ZRANB2: variants seen among roughly 807,000 people sequenced by gnomAD.
ZRANB2 encodes zinc finger Ran-binding domain-containing protein 2.
ZRANB2 carries 19 observed loss-of-function variants against 53.4 expected under a neutral mutation model. The observed-to-expected ratio is 0.36, with a 90% confidence interval of 0.25 to 0.52. The LOEUF (loss-of-function observed/expected upper bound fraction) is 0.52. ZRANB2 is among the 20% of genes least tolerant of loss of function. The pLI, the probability that ZRANB2 is intolerant of heterozygous loss-of-function variation, is 0.93. For synonymous variants in ZRANB2, 145 were observed against 134.8 expected (o/e 1.08, Z -0.52); for missense variants, 309 against 401.1 (o/e 0.77, Z 1.96).
chr1:71,065,987 G>C, intron 9 of ZRANB2: 1 of 408,328 alleles, frequency 2.4e-6, no homozygotes, highest in Non-Finnish European at 4.3e-6. Context: ...GTACAAGTAG[G>C]AATCATGAGA....
intron 1 of ZRANB2, among the ~76,000 whole-genome samples, chr1:71,079,278 T>G (rs1205560040): frequency 6.6e-6 from 1 of 152,142 alleles, no homozygotes; most frequent in African/African-American, 2.4e-5. Context: ...GAGACTTCGC[T>G]GAAAAAAATG....
chr1:71,071,242 A>G (rs1661588275), intron 6 of ZRANB2, among the ~76,000 whole-genome samples: 1 of 152,110 alleles, frequency 6.6e-6, no homozygotes, highest in South Asian at 2.1e-4. Context: ...CTTATGCATC[A>G]CCCAAGAATT....
intron 8 of ZRANB2, 167 bp from the exon 9 acceptor site, chr1:71,067,101 T>C: frequency 1.8e-6 from 1 of 544,482 alleles, no homozygotes; most frequent in Admixed American, 4.1e-5. Flanking sequence ...GGATCAACCA[T>C]GAAAACATTC....
chr1:71,077,165 T>G (rs993266638), intron 3 of ZRANB2, among the ~76,000 whole-genome samples: 1 of 152,258 alleles, frequency 6.6e-6, no homozygotes, highest in Admixed American at 6.5e-5. Flanking sequence ...CGAGTATCAC[T>G]AATCCACAAA....
chr1:71,075,713 C>T (rs1312590061), intron 4 of ZRANB2, among the ~76,000 whole-genome samples: 1 of 151,702 alleles, frequency 6.6e-6, no homozygotes, highest in East Asian at 1.9e-4. Flanking sequence ...CGGTGCATAC[C>T]TTAGGTGAGG....
In ZRANB2 at chr1:71,070,990, C is replaced by A; in HGVS notation, c.520G>T (p.Asp174Tyr). ...LSKYKLDEDE[D>Y]EDDADLSKYN... ...TTTGAGAGATCAGCGTCATCTTCAT[C>A]CTCATCCTAACAAAAATTCAATTAT... Residue 174 changes from aspartate to tyrosine, a missense_variant, in exon 7 of 10, where the codon GAT becomes TAT. Around this residue, in one of 3 missense-constraint regions of ZRANB2, gnomAD observed 211 missense variants for 196.1 expected, o/e 1.08. Coordinates refer to ENST00000370920, the MANE Select transcript of ZRANB2 (RefSeq NM_203350.3). 1.3e-6 allele frequency: 2 copies of A among 1,559,844 alleles called. No homozygotes were observed. The highest frequency in any genetic ancestry group is 1.7e-6 in the Non-Finnish European group (2 of 1,157,242).
intron 4 of ZRANB2, among the ~76,000 whole-genome samples, chr1:71,072,947 T>C (rs1661626619): frequency 6.6e-6 from 1 of 152,100 alleles, no homozygotes. Flanking sequence ...CTGCAAATAG[T>C]CTGAAATCTT....
At chr1:71,071,878 T>C (rs1028319515) in intron 6 of ZRANB2, among the ~76,000 whole-genome samples, 2 of 152,184 alleles carry the variant, frequency 1.3e-5, no homozygotes, top group East Asian at 1.9e-4. Flanking sequence ...TACCTATTTA[T>C]ATATTTCCTC....
intron 9 of ZRANB2, 80 bp from the exon 10 acceptor site, chr1:71,065,217 T>C: frequency 1.7e-6 from 2 of 1,160,646 alleles, no homozygotes; most frequent in South Asian, 3.1e-5. Context: ...ACTGTGAAAG[T>C]ATACAAAATT....
At chr1:71,072,086 A>C in intron 6 of ZRANB2, 35 bp downstream of exon 6, 1 of 1,595,298 alleles carries the variant, frequency 6.3e-7, no homozygotes, top group African/African-American at 1.4e-5. Flanking sequence ...AACTCCAATA[A>C]GACAAAAGGG....
chr1:71,065,112 A>G lies in ZRANB2; in HGVS notation c.955T>C (p.Ser319Pro). ...ERRHRSSSGS[S>P]HSGSRSSSKK... The stretch of plus-strand genomic sequence containing the variant: ...GAACTTGAACGGGAACCAGAATGGG[A>G]TGATCCAGATGATGACCTGTGGCGT... The change falls in exon 10 of 10, where the codon TCC becomes CCC. Residue 319 changes from serine (S) to proline (P), a missense_variant. Transcript: ENST00000370920. 1 of 1,611,696 alleles carries G rather than the reference A, an allele frequency of 6.2e-7. No homozygotes were observed. Among genetic ancestry groups the G allele is most frequent in the Non-Finnish European group, 8.5e-7 (1 of 1,178,488 alleles).
rs907386454 is a variant in ZRANB2, at chr1:71,063,407, T to C, written c.*1667A>G. ...CCTTATGAAATGAACTAGTACAGCT[T>C]AGTTAAACCAAATGAAATCATAATC... On this transcript the variant is annotated 3_prime_UTR_variant, in exon 10 of 10. Coordinates refer to ENST00000370920, the MANE Select transcript of ZRANB2 (RefSeq NM_203350.3). 2 of 152,478 alleles carry C rather than the reference T, an allele frequency of 1.3e-5. No individual in the cohort carries two copies. Among genetic ancestry groups the C allele is most frequent in the African/African-American group, 4.8e-5 (2 of 41,454 alleles). The allele number at this position is 152,478 out of a possible 1,614,324, so 9.4% of individuals were successfully genotyped here. A position where few individuals can be genotyped will look rare whatever the true frequency, so the allele number is the denominator to read the frequency against.
rs1438539210 is a variant in ZRANB2, at chr1:71,063,906, T to C, written c.*1168A>G. The C allele has an allele frequency of 2.0e-5, 3 of 152,406 alleles. No homozygotes were observed. Among genetic ancestry groups the C allele is most frequent in the Non-Finnish European group, 4.4e-5 (3 of 67,858 alleles). 9.4% of individuals were successfully genotyped at this position (152,406 alleles called of 1,614,324 possible). On this transcript the variant is annotated 3_prime_UTR_variant, in exon 10 of 10. Transcript: ENST00000370920. ...AACAAAAAGCCCCCAAGCACAACTG[T>C]TGATTTCCTTTGATATACTTACCTT...
At chr1:71,079,276 G>A (rs1321489590) in intron 1 of ZRANB2, among the ~76,000 whole-genome samples, 4 of 152,072 alleles carry the variant, frequency 2.6e-5, no homozygotes, top group Admixed American at 6.5e-5. Context: ...CTGAGACTTC[G>A]CTGAAAAAAA....
In ZRANB2 at chr1:71,070,834, T is replaced by C; in HGVS notation, c.676A>G (p.Arg226Gly). The C allele has an allele frequency of 6.3e-7, 1 of 1,589,884 alleles. No individual in the cohort carries two copies. The highest frequency in any genetic ancestry group is 8.6e-7 in the Non-Finnish European group (1 of 1,167,264). ...RSSSPSSSRSRSRSRSRSSSS... is the reference protein window; with the variant it reads ...RSSSPSSSRSGSRSRSRSSSS... ...TGACCTGTACCCGTTTACCTGGACC[T>C]AGACCTTGAACTTGAGGGGGAGGAT... The change falls in exon 7 of 10, where the codon AGG (arginine) becomes GGG (glycine). Residue 226 changes from arginine to glycine, a missense_variant. By Grantham distance (125) the Arg-to-Gly change is moderately radical. Coordinates refer to ENST00000370920, the MANE Select transcript of ZRANB2 (RefSeq NM_203350.3).
At chr1:71,072,359 C>G (rs1359849254) in intron 5 of ZRANB2, 104 bp from the exon 6 acceptor site, 12 of 1,443,868 alleles carry the variant, frequency 8.3e-6, no homozygotes, top group Non-Finnish European at 1.1e-5. Context: ...TGAAAATGAT[C>G]AGTTGCTGAA....
At chr1:71,080,818 C>T in intron 1 of ZRANB2, 122 bp downstream of exon 1, 2 of 1,126,940 alleles carry the variant, frequency 1.8e-6, no homozygotes, top group East Asian at 2.4e-5. Context: ...AGGGAACTGG[C>T]GGTTCGCCGC....
In ZRANB2 at chr1:71,069,419, T is replaced by C. The variant is rs1389134514; in HGVS notation, c.684-57A>G. 2.3e-6 allele frequency: 3 copies of C among 1,291,634 alleles called. No homozygotes were observed. In the African/African-American group the frequency reaches 4.4e-5, roughly 19 times the overall value. The allele number at this position is 1,291,634 out of a possible 1,614,324, so 80.0% of individuals were successfully genotyped here. ...AGGACCATTTAATTGAGCTTTGTGA[T>C]ATGAACACTGAAAGAAAGATATGTA... On this transcript the variant is annotated intron_variant, in intron 7 of 9. Transcript: ENST00000370920.
intron 7 of ZRANB2, among the ~76,000 whole-genome samples, chr1:71,070,222 A>G (rs776198842): frequency 1.9e-4 from 29 of 151,918 alleles, no homozygotes; most frequent in Non-Finnish European, 2.4e-4. Context: ...CACTCACCTA[A>G]AATTTTATTT....
Sources: allele counts gnomAD v4.1 joint callset (sites outside exome capture counted in the v4.1 genomes callset), GRCh38; gene constraint gnomAD v4.1.1; regional missense constraint gnomAD v4.1.1; transcripts MANE v1.5; gene names NCBI Gene and HGNC (gene_info 2026-07-23, HGNC 2026-07-21).